Variants in PAPSS2 observed in about 807,000 individuals in gnomAD.
PAPSS2 encodes 3'-phosphoadenosine 5'-phosphosulfate synthase 2.
PAPSS2 carries 61 observed loss-of-function variants against 66.5 expected under a neutral mutation model. That is an observed-to-expected ratio of 0.92 (90% CI 0.75 to 1.14). PAPSS2 has a LOEUF of 1.14. Among genes scored for constraint, PAPSS2 ranks in the 50% most tolerant of loss-of-function variants. The probability of loss-of-function intolerance (pLI) is 0.00; values close to 1 mark genes in which losing one functional copy is unlikely to be tolerated. For synonymous variants in PAPSS2, 289 were observed against 287.5 expected (o/e 1.01, Z -0.05); for missense variants, 708 against 789.6 (o/e 0.90, Z 1.24).
intron 8 of PAPSS2, among the ~76,000 whole-genome samples, chr10:87,723,620 G>C (rs1452413176): frequency 6.6e-6 from 1 of 152,140 alleles, no homozygotes; most frequent in African/African-American, 2.4e-5. Flanking sequence ...TTTATAAAGG[G>C]TCTCAAAGTA....
intron 1 of PAPSS2, among the ~76,000 whole-genome samples, chr10:87,696,946 G>C (rs923083991): frequency 6.6e-6 from 1 of 152,214 alleles, no homozygotes; most frequent in Non-Finnish European, 1.5e-5. Flanking sequence ...TTTCACATTA[G>C]TGTGGTACAA....
At chr10:87,731,740 T>C (rs545355516) in intron 9 of PAPSS2, among the ~76,000 whole-genome samples, 4 of 152,278 alleles carry the variant, frequency 2.6e-5, no homozygotes, top group South Asian at 2.1e-4. Context: ...GTGGTGGAAA[T>C]AGCAAGAGAA....
Position 87,743,478 on chromosome 10 carries a change from T to C in PAPSS2, c.1328T>C (p.Val443Ala), listed in dbSNP as rs1195907182. 2 of 1,613,980 alleles carry C rather than the reference T, an allele frequency of 1.2e-6. No individual in the cohort carries two copies. Among genetic ancestry groups the C allele is most frequent in the Non-Finnish European group, 1.7e-6 (2 of 1,179,984 alleles). The change falls in exon 11 of 13, where the codon GTC becomes GCC. Residue 443 changes from valine (V) to alanine (A), a missense_variant. By Grantham distance (64) the Val-to-Ala change is moderately conservative. Transcript: ENST00000456849. ...CTAGAGAGGGGCTACAAGCACCCGG[T>C]CCTCCTACTACACCCTCTGGGCGGC... ...RLLERGYKHPVLLLHPLGGWT... is the reference protein window; with the variant it reads ...RLLERGYKHPALLLHPLGGWT...
intron 1 of PAPSS2, among the ~76,000 whole-genome samples, chr10:87,679,671 A>G (rs1177781015): frequency 1.3e-5 from 2 of 152,156 alleles, no homozygotes; most frequent in Non-Finnish European, 2.9e-5. Flanking sequence ...ATAATTTGTA[A>G]CTCATAGGAG....
At chr10:87,664,719 G>C (rs768482270) in intron 1 of PAPSS2, among the ~76,000 whole-genome samples, 8 of 152,124 alleles carry the variant, frequency 5.3e-5, no homozygotes, top group Admixed American at 3.9e-4. Context: ...GGAGATTTCT[G>C]TTTATTTCAA....
In PAPSS2 at chr10:87,733,273, C is replaced by T. The variant is rs115345508; in HGVS notation, c.1086+5784C>T. ...TTGACCTTCCATTCAAGGCATCCAG[C>T]CCTCTCTTTGGCATCACTAAGTATA... On this transcript the variant is annotated intron_variant, in intron 9 of 12. Coordinates refer to ENST00000456849, the MANE Select transcript of PAPSS2 (RefSeq NM_001015880.2). 2.1e-3 allele frequency among the ~76,000 whole-genome samples: 316 copies of T among 152,324 alleles called. 1 individual carries two copies. The highest frequency in any genetic ancestry group is 7.2e-3 in the African/African-American group (298 of 41,560).
intron 1 of PAPSS2, among the ~76,000 whole-genome samples, chr10:87,675,873 C>A (rs1319827894): frequency 6.6e-6 from 1 of 152,076 alleles, no homozygotes; most frequent in African/African-American, 2.4e-5. Flanking sequence ...TAGCCTAATT[C>A]CTTCCCCATG....
In PAPSS2 at chr10:87,743,178, G is replaced by A. The variant is rs181587749; in HGVS notation, c.1223-195G>A. Reference sequence around the variant, plus strand: ...GGAGAATCGCTTGAATCCTGGAGGCGGAGGTTGCAGTGACCTGAGATCGCT... The same window carrying A: ...GGAGAATCGCTTGAATCCTGGAGGCAGAGGTTGCAGTGACCTGAGATCGCT... On this transcript the variant is annotated intron_variant, in intron 10 of 12. Transcript: ENST00000456849. Among the ~76,000 whole-genome samples the A allele has an allele frequency of 1.3e-3, 204 of 151,834 alleles. 5 individuals are homozygous for A. The highest frequency in any genetic ancestry group is 0.011 in the Admixed American group (172 of 15,238).
At chr10:87,701,344 CT>C (rs1853307924) in intron 1 of PAPSS2, among the ~76,000 whole-genome samples, 1 of 75,724 alleles carries the variant, frequency 1.3e-5, no homozygotes, top group African/African-American at 6.2e-5. Context: ...TTCTTTCTTT[CT>C]TTCTTTCTTT....
chr10:87,696,316 T>C lies in PAPSS2; in HGVS notation c.28-12880T>C, dbSNP rs574885196. ...GAGTTTCAAACCTCCTTCTTTCTCC[T>C]CTTTTCTATTTCCTGGGCTCTCTCT... On this transcript the variant is annotated intron_variant, in intron 1 of 12. Transcript: ENST00000456849. 3.4e-4 allele frequency among the ~76,000 whole-genome samples: 52 copies of C among 152,332 alleles called. No homozygotes were observed. The South Asian group carries it at 8.1e-3, about 24-fold the overall frequency.
chr10:87,684,548 A>G (rs909445119), intron 1 of PAPSS2, among the ~76,000 whole-genome samples: 1 of 152,178 alleles, frequency 6.6e-6, no homozygotes, highest in Non-Finnish European at 1.5e-5. Context: ...TGTGTTTTAA[A>G]TACGTGGAAC....
At chr10:87,679,591 T>A (rs1372384780) in intron 1 of PAPSS2, among the ~76,000 whole-genome samples, 3 of 152,196 alleles carry the variant, frequency 2.0e-5, no homozygotes, top group African/African-American at 7.2e-5. Flanking sequence ...CCAAATATTT[T>A]AAAAATTACA....
At chr10:87,718,217 ACAGGGTTTCACTATGTTGGC>A (rs976223491) in intron 7 of PAPSS2, among the ~76,000 whole-genome samples, 19 of 151,962 alleles carry the variant, frequency 1.3e-4, no homozygotes, top group Non-Finnish European at 1.9e-4. Context: ...TTTAGTAGAG[ACAGGGTTTCACTATGTTGGC>A]CAGGCTGGTC....
intron 9 of PAPSS2, among the ~76,000 whole-genome samples, chr10:87,737,455 G>A (rs541484188): frequency 7.2e-5 from 11 of 152,150 alleles, no homozygotes; most frequent in Admixed American, 5.9e-4. Flanking sequence ...GTAATGTTAA[G>A]CATATTCACA....
intron 1 of PAPSS2, among the ~76,000 whole-genome samples, chr10:87,675,939 A>G (rs1246683009): frequency 6.9e-6 from 1 of 145,314 alleles, no homozygotes; most frequent in Non-Finnish European, 1.5e-5. Context: ...AGTTTTCTCT[A>G]CTTCAGAAAG....
chr10:87,679,272 C>T (rs892629915), intron 1 of PAPSS2, among the ~76,000 whole-genome samples: 12 of 151,792 alleles, frequency 7.9e-5, no homozygotes, highest in Admixed American at 5.9e-4. Flanking sequence ...TACTAGAGGC[C>T]GGGAAAATTG....
Position 87,703,873 on chromosome 10 carries a change from A to G in PAPSS2, c.28-5323A>G. The G allele has an allele frequency of 5.8e-6, 3 of 513,356 alleles. No homozygotes were observed. The Admixed American group carries it at 5.9e-5, about 10-fold the overall frequency. 31.8% of individuals were successfully genotyped at this position (513,356 alleles called of 1,614,324 possible). ...AGGGGCAGAGTTAGATGGGATGCCGAGGATGTCTGTGTGTTCTCTATGTAC... is the reference window on the plus strand; with the variant it reads ...AGGGGCAGAGTTAGATGGGATGCCGGGGATGTCTGTGTGTTCTCTATGTAC... On this transcript the variant is annotated intron_variant, in intron 1 of 12. Coordinates refer to ENST00000456849, the MANE Select transcript of PAPSS2 (RefSeq NM_001015880.2).
At chr10:87,728,276 G>A (rs560369510) in intron 9 of PAPSS2, among the ~76,000 whole-genome samples, 3 of 152,224 alleles carry the variant, frequency 2.0e-5, no homozygotes, top group South Asian at 2.1e-4. Flanking sequence ...GAGCAGTAGG[G>A]TGGAAATGAA....
At chr10:87,669,734 A>G (rs1852854148) in intron 1 of PAPSS2, among the ~76,000 whole-genome samples, 1 of 152,234 alleles carries the variant, frequency 6.6e-6, no homozygotes, top group Non-Finnish European at 1.5e-5. Flanking sequence ...ACTCTTCACC[A>G]TCTCGCGAAG....
Sources: gnomAD v4.1 joint callset for allele counts (sites outside exome capture counted in the v4.1 genomes callset) on GRCh38, gnomAD v4.1.1 for gene constraint, MANE v1.5 for transcripts, NCBI Gene and HGNC (gene_info 2026-07-23, HGNC 2026-07-21) for gene names.